The following GPHN variants were observed in gnomAD, a reference collection of about 807,000 sequenced individuals.
The protein encoded by GPHN is gephyrin.
GPHN carries 17 observed loss-of-function variants against 95.5 expected under a neutral mutation model. That is an observed-to-expected ratio of 0.18 (90% CI 0.12 to 0.27). The LOEUF (loss-of-function observed/expected upper bound fraction) is 0.27. GPHN is among the 10% of genes least tolerant of loss of function. The pLI is 1.00. For synonymous variants in GPHN, 320 were observed against 322.5 expected, an observed-to-expected ratio of 0.99 and a Z score of 0.08; for missense variants, 660 against 978.1, an observed-to-expected ratio of 0.67 and a Z score of 4.34.
At chr14:66,838,192 G>A (rs776887593) in intron 4 of GPHN, among the ~76,000 whole-genome samples, 19 of 152,250 alleles carry the variant, frequency 1.2e-4, no homozygotes, top group Middle Eastern at 3.4e-3. Context: ...TGTGTAAAAT[G>A]ATAGTAAGAG....
chr14:67,393,807 C>A, the GPHN span, among the ~76,000 whole-genome samples: 1 of 152,130 alleles, frequency 6.6e-6, no homozygotes, highest in African/African-American at 2.4e-5. Context: ...GCACGGCTCA[C>A]CCCTCATAAA....
intron 9 of GPHN, among the ~76,000 whole-genome samples, chr14:67,013,566 C>T (rs2073130798): frequency 6.6e-6 from 1 of 151,958 alleles, no homozygotes; most frequent in South Asian, 2.1e-4. Context: ...ATGCCTAGTT[C>T]TTATATATTT....
chr14:67,581,961 G>T, the GPHN span: 6 of 1,112,132 alleles, frequency 5.4e-6, no homozygotes, highest in Non-Finnish European at 7.7e-6. Flanking sequence ...TAAATAGTGG[G>T]AAAAGAGTAC....
At chr14:67,228,894 GT>G in the GPHN span, among the ~76,000 whole-genome samples, 1 of 151,830 alleles carries the variant, frequency 6.6e-6, no homozygotes, top group East Asian at 1.9e-4. Context: ...TTTCAAACAG[GT>G]TAAAAAAAAT....
the GPHN span, chr14:67,386,907 TAA>T: frequency 2.0e-5 from 3 of 152,282 alleles, no homozygotes; most frequent in African/African-American, 7.4e-5. Flanking sequence ...TCGAAAACTA[TAA>T]ACTTTGTATG....
chr14:66,666,320 A>G (rs960500257), intron 1 of GPHN, among the ~76,000 whole-genome samples: 1 of 151,166 alleles, frequency 6.6e-6, no homozygotes, highest in South Asian at 2.1e-4. Flanking sequence ...AAAAGAATGC[A>G]CAATATCTTA....
chr14:67,427,993 C>G, the GPHN span, among the ~76,000 whole-genome samples: 53 of 151,328 alleles, frequency 3.5e-4, no homozygotes, highest in African/African-American at 1.2e-3. Flanking sequence ...ACGATTCTGG[C>G]TCACTGCAAC....
At chr14:66,862,959 C>G (rs1309349839) in intron 4 of GPHN, among the ~76,000 whole-genome samples, 1 of 152,000 alleles carries the variant, frequency 6.6e-6, no homozygotes, top group African/African-American at 2.4e-5. Context: ...CAGCGTACTA[C>G]TGGAAGTCCC....
the GPHN span, among the ~76,000 whole-genome samples, chr14:67,369,201 A>G: frequency 4.6e-5 from 7 of 152,246 alleles, no homozygotes; most frequent in Admixed American, 3.9e-4. Flanking sequence ...TATGCAGACA[A>G]TACCTTAAGG....
At chr14:67,329,855 T>TA in the GPHN span, among the ~76,000 whole-genome samples, 8 of 149,630 alleles carry the variant, frequency 5.3e-5, no homozygotes, top group Admixed American at 3.3e-4. Flanking sequence ...AATAAATAAA[T>TA]AAATAAATAA....
intron 10 of GPHN, among the ~76,000 whole-genome samples, chr14:67,037,144 A>G (rs1299454237): frequency 2.0e-5 from 3 of 152,044 alleles, no homozygotes; most frequent in Non-Finnish European, 4.4e-5. Context: ...TATATGGTCA[A>G]ATGATCTTTG....
chr14:67,631,845 A>T, the GPHN span, among the ~76,000 whole-genome samples: 1 of 151,704 alleles, frequency 6.6e-6, no homozygotes, highest in African/African-American at 2.4e-5. Context: ...CTTTACTGTC[A>T]CCTGTATGCT....
intron 4 of GPHN, among the ~76,000 whole-genome samples, chr14:66,879,211 A>T (rs935165797): frequency 6.6e-6 from 1 of 151,982 alleles, no homozygotes; most frequent in Non-Finnish European, 1.5e-5. Flanking sequence ...CTGTCAGGGG[A>T]TGGAGGGTTA....
chr14:67,146,620 G>T (rs537286123), intron 18 of GPHN, among the ~76,000 whole-genome samples: 1 of 152,074 alleles, frequency 6.6e-6, no homozygotes, highest in Non-Finnish European at 1.5e-5. Context: ...GATGATAACC[G>T]ATCACAAAAA....
At chr14:67,076,507 TC>T (rs2076498346) in intron 11 of GPHN, among the ~76,000 whole-genome samples, 1 of 152,178 alleles carries the variant, frequency 6.6e-6, no homozygotes, top group South Asian at 2.1e-4. Context: ...GCTTCACCTT[TC>T]ATAGTAACCC....
At chr14:67,520,553 G>A in the GPHN span, among the ~76,000 whole-genome samples, 1 of 152,290 alleles carries the variant, frequency 6.6e-6, no homozygotes, top group Admixed American at 6.5e-5. Context: ...TCCATTGTCT[G>A]GATATACCAC....
intron 1 of GPHN, among the ~76,000 whole-genome samples, chr14:66,672,550 C>A (rs1046190820): frequency 3.9e-5 from 6 of 152,102 alleles, no homozygotes; most frequent in Non-Finnish European, 5.9e-5. Context: ...ACTCCTTGCA[C>A]TTCTATCAGT....
the GPHN span, chr14:67,385,887 C>T: frequency 1.2e-4 from 18 of 152,242 alleles, no homozygotes; most frequent in Admixed American, 1.0e-3. Context: ...CTAAGAAGAA[C>T]AGTTATTACT....
At chr14:67,080,842 A>G (rs960606196) in intron 11 of GPHN, among the ~76,000 whole-genome samples, 6 of 152,120 alleles carry the variant, frequency 3.9e-5, no homozygotes, top group African/African-American at 1.2e-4. Context: ...CCCACTTATA[A>G]GTGAGAACAT....
Sources: gnomAD v4.1 joint callset for allele counts (sites outside exome capture counted in the v4.1 genomes callset) on GRCh38, gnomAD v4.1.1 for gene constraint, MANE v1.5 for transcripts, NCBI Gene and HGNC (gene_info 2026-07-23, HGNC 2026-07-21) for gene names.